Variants in PPARGC1B observed in about 807,000 individuals in gnomAD.
PPARGC1B encodes peroxisome proliferator-activated receptor gamma coactivator 1-beta.
A neutral mutation model predicts 101.6 loss-of-function variants in PPARGC1B; 34 were observed. The observed-to-expected ratio is 0.33, with a 90% confidence interval of 0.25 to 0.45. The LOEUF (loss-of-function observed/expected upper bound fraction) is 0.45, where lower values mean the gene tolerates loss of function less well. Ranked by LOEUF, PPARGC1B falls within the 20% of genes least tolerant of loss-of-function variation. The pLI is 1.00. For missense variants in PPARGC1B, 1,234 were observed against 1,317.6 expected, an observed-to-expected ratio of 0.94 and a Z score of 0.98; for synonymous variants, 548 against 539.3, an observed-to-expected ratio of 1.02 and a Z score of -0.22.
intron 1 of PPARGC1B, among the ~76,000 whole-genome samples, chr5:149,758,330 A>C (rs922665533): frequency 1.3e-5 from 2 of 152,174 alleles, no homozygotes; most frequent in African/African-American, 4.8e-5. Flanking sequence ...TTGTCTGTTC[A>C]TTTATTTAAC....
chr5:149,833,519 G>A lies in PPARGC1B; in HGVS notation c.1446G>A (p.Leu482=). 1 of 1,568,570 alleles carries A rather than the reference G, an allele frequency of 6.4e-7. No individual in the cohort carries two copies. Among genetic ancestry groups the A allele is most frequent in the Non-Finnish European group, 8.6e-7 (1 of 1,156,650 alleles). ...GCCCCGTGCGGCGTTCTCGGAGACT[G>A]AACCCTGAGCTGGGCCCCTGGCTGA... ...SVCPVRRSRR[L]NPELGPWLTF... is the part of the protein sequence containing the mutation. The change falls in exon 5 of 12, where the codon CTG becomes CTA. Residue 482 remains leucine (L), a synonymous_variant. Coordinates refer to ENST00000309241, the MANE Select transcript of PPARGC1B (RefSeq NM_133263.4). This position sits in a 1 kb window ranked among gnomAD's most constrained non-coding sequence, Gnocchi z 4.1.
Position 149,826,658 on chromosome 5 carries a change from C to T in PPARGC1B, c.253-15C>T. ...CCCATCTGCCTTTCTGACCCTCCCG[C>T]CCTCCTCACTCCAGATTGACAGTGA... On this transcript the variant is annotated splice_polypyrimidine_tract_variant and intron_variant, in intron 2 of 11. Coordinates refer to ENST00000309241, the MANE Select transcript of PPARGC1B (RefSeq NM_133263.4). The T allele has an allele frequency of 6.2e-7, 1 of 1,605,412 alleles. No individual in the cohort carries two copies. Among genetic ancestry groups the T allele is most frequent in the Non-Finnish European group, 8.5e-7 (1 of 1,172,312 alleles).
At chr5:149,818,591 T>C (rs1434144293) in intron 1 of PPARGC1B, among the ~76,000 whole-genome samples, 1 of 152,196 alleles carries the variant, frequency 6.6e-6, no homozygotes, top group East Asian at 1.9e-4. Context: ...GAGCTAATAA[T>C]ATACATTTAT....
At chr5:149,815,114 A>G (rs1274110799) in intron 1 of PPARGC1B, among the ~76,000 whole-genome samples, 1 of 152,174 alleles carries the variant, frequency 6.6e-6, no homozygotes, top group Non-Finnish European at 1.5e-5. Flanking sequence ...CTTCACAGGG[A>G]GAGAAGAGAC....
intron 1 of PPARGC1B, among the ~76,000 whole-genome samples, chr5:149,795,210 GC>G (rs1318457197): frequency 3.3e-5 from 5 of 152,172 alleles, no homozygotes; most frequent in Admixed American, 6.5e-5. Context: ...ACATGTCATA[GC>G]TTAGGGCGTC....
intron 1 of PPARGC1B, among the ~76,000 whole-genome samples, chr5:149,793,152 G>A (rs1416540673): frequency 1.3e-5 from 2 of 152,014 alleles, no homozygotes; most frequent in Non-Finnish European, 2.9e-5. Flanking sequence ...GGCTGGTCTG[G>A]TGGACTTTCC....
rs1431781442 is a variant in PPARGC1B at position 149,847,445 on chromosome 5, C to T, written c.2972-13C>T. ...CCTTCCCCTCTTCCCTGCCTCTTCA[C>T]CCCCATGCCCAGATTCCAATTCAGA... On this transcript the variant is annotated splice_polypyrimidine_tract_variant and intron_variant, in intron 11 of 11. Coordinates refer to ENST00000309241, the MANE Select transcript of PPARGC1B (RefSeq NM_133263.4). 1 of 1,601,032 alleles carries T rather than the reference C, an allele frequency of 6.2e-7. No homozygotes were observed. The highest frequency in any genetic ancestry group is 8.6e-7 in the Non-Finnish European group (1 of 1,168,104).
intron 1 of PPARGC1B, among the ~76,000 whole-genome samples, chr5:149,779,359 G>T (rs193285664): frequency 6.6e-6 from 1 of 152,172 alleles, no homozygotes; most frequent in Admixed American, 6.5e-5. Context: ...TGCGTCTGGG[G>T]GAGGGGCTGC....
At position 149,791,306 on chromosome 5, in the gene PPARGC1B, A is replaced by T. The variant is rs867670074; in HGVS notation, c.79-29127A>T. On this transcript the variant is annotated intron_variant, in intron 1 of 11. Transcript: ENST00000309241. ...GACTCCATCTCAAAAAAAAAAAAAA[A>T]TTTCTATTAAAAAAACTGATTCTAT... 1.3e-3 allele frequency among the ~76,000 whole-genome samples: 194 copies of T among 143,736 alleles called. 4 individuals carry two copies. The highest frequency in any genetic ancestry group is 4.3e-3 in the South Asian group (19 of 4,460). The allele number at this position is 143,736 out of a possible 152,430, so 94.3% of individuals were successfully genotyped here. A position where few individuals can be genotyped will look rare whatever the true frequency, so the allele number is the denominator to read the frequency against.
At chr5:149,794,332 C>G (rs929005779) in intron 1 of PPARGC1B, among the ~76,000 whole-genome samples, 3 of 152,138 alleles carry the variant, frequency 2.0e-5, no homozygotes, top group Non-Finnish European at 4.4e-5. Context: ...AAGGCCAAGA[C>G]AAATGTTAGA....
chr5:149,779,811 G>A (rs1004473091), intron 1 of PPARGC1B, among the ~76,000 whole-genome samples: 3 of 152,210 alleles, frequency 2.0e-5, no homozygotes, highest in African/African-American at 7.2e-5. Flanking sequence ...GCCTTCCCAC[G>A]ACACTGTGTG....
At chr5:149,762,373 C>A (rs562495904) in intron 1 of PPARGC1B, among the ~76,000 whole-genome samples, 28 of 152,286 alleles carry the variant, frequency 1.8e-4, no homozygotes, top group African/African-American at 6.7e-4. Flanking sequence ...TATCAAACTC[C>A]TGACCTCAAG....
chr5:149,812,391 T>C (rs899579243), intron 1 of PPARGC1B, among the ~76,000 whole-genome samples: 2 of 152,226 alleles, frequency 1.3e-5, no homozygotes, highest in Non-Finnish European at 2.9e-5. Flanking sequence ...GGAAGCTTCT[T>C]TAGGTGATTT....
At chr5:149,826,111 G>A (rs927926914) in intron 2 of PPARGC1B, among the ~76,000 whole-genome samples, 5 of 152,180 alleles carry the variant, frequency 3.3e-5, no homozygotes, top group South Asian at 2.1e-4. Context: ...TCCAGAGCCC[G>A]AGTGTCTAAT....
intron 1 of PPARGC1B, among the ~76,000 whole-genome samples, chr5:149,744,377 C>T (rs535000161): frequency 2.0e-5 from 3 of 152,270 alleles, no homozygotes; most frequent in Admixed American, 6.5e-5. Context: ...GAGGCAGACA[C>T]GTGGACTGCA....
At chr5:149,827,368 G>A (rs561268651) in intron 3 of PPARGC1B, among the ~76,000 whole-genome samples, 43 of 152,264 alleles carry the variant, frequency 2.8e-4, no homozygotes, top group African/African-American at 9.6e-4. Flanking sequence ...TCTACATTAG[G>A]GCTCTGCACG....
At chr5:149,795,817 C>T in intron 1 of PPARGC1B, among the ~76,000 whole-genome samples, 1 of 151,480 alleles carries the variant, frequency 6.6e-6, no homozygotes. Context: ...TTTTTTTTCA[C>T]AGTATAACAG....
chr5:149,735,084 A>G (rs778616707), intron 1 of PPARGC1B, among the ~76,000 whole-genome samples: 13 of 152,228 alleles, frequency 8.5e-5, no homozygotes, highest in Non-Finnish European at 1.3e-4. Flanking sequence ...GTGTGGGAGA[A>G]GATTGAAGCA....
intron 1 of PPARGC1B, among the ~76,000 whole-genome samples, chr5:149,773,237 T>G (rs1353322663): frequency 6.6e-6 from 1 of 152,248 alleles, no homozygotes; most frequent in African/African-American, 2.4e-5. Flanking sequence ...TGCAGCCAGA[T>G]GAGAGCTACA....
Sources: gnomAD v4.1 joint callset for allele counts (sites outside exome capture counted in the v4.1 genomes callset) on GRCh38, gnomAD v4.1.1 for gene constraint, Gnocchi (gnomAD v3.1) non-coding constraint, MANE v1.5 for transcripts, NCBI Gene and HGNC (gene_info 2026-07-23, HGNC 2026-07-21) for gene names.